The following ZNF721 variants were observed in gnomAD, a reference collection of about 807,000 sequenced individuals.
The protein encoded by ZNF721 is zinc finger protein 721.
ZNF721 carries 2 observed loss-of-function variants against 2.4 expected under a neutral mutation model. That is an observed-to-expected ratio of 0.82 (90% CI 0.34 to 2.58). The LOEUF (loss-of-function observed/expected upper bound fraction) is 2.58. Among genes scored for constraint, ZNF721 ranks in the 30% most tolerant of loss-of-function variants. ZNF721 has a pLI of 0.11. For missense variants in ZNF721, 1,187 were observed against 1,085.5 expected, an observed-to-expected ratio of 1.09 and a Z score of -1.31; for synonymous variants, 398 against 381.8, an observed-to-expected ratio of 1.04 and a Z score of -0.50.
chr4:469,924 C>A (rs1331140066), intron 2 of ZNF721, among the ~76,000 whole-genome samples: 2 of 152,160 alleles, frequency 1.3e-5, no homozygotes, highest in Non-Finnish European at 2.9e-5. Context: ...TTCTGTTGCC[C>A]AGACTGGAGT....
At chr4:479,151 A>G (rs781864784) in intron 1 of ZNF721, among the ~76,000 whole-genome samples, 1 of 152,182 alleles carries the variant, frequency 6.6e-6, no homozygotes, top group Non-Finnish European at 1.5e-5. Context: ...CTTGGTCACG[A>G]TAACAGCCAT....
intron 1 of ZNF721, among the ~76,000 whole-genome samples, chr4:481,770 G>A (rs879963436): frequency 3.9e-5 from 6 of 152,122 alleles, no homozygotes; most frequent in Admixed American, 2.0e-4. Flanking sequence ...TTCAGCAGTT[G>A]AACACAGCGT....
intron 1 of ZNF721, among the ~76,000 whole-genome samples, chr4:477,786 C>A (rs1412511371): frequency 6.6e-6 from 1 of 152,070 alleles, no homozygotes; most frequent in Non-Finnish European, 1.5e-5. Flanking sequence ...CCTGATACAC[C>A]CCTAAGAGAT....
chr4:469,644 T>A lies in ZNF721; in HGVS notation c.34+2931A>T, dbSNP rs112202948. Among the ~76,000 whole-genome samples the A allele has an allele frequency of 1.4e-3, 206 of 152,284 alleles. 3 individuals carry two copies. Among genetic ancestry groups the A allele is most frequent in the African/African-American group, 4.7e-3 (194 of 41,572 alleles). Reference sequence around the variant, plus strand: ...GAGCCATCGTGAGAAAGAACAAAGCTAGGGGCATCATACTTCTTAATTTTA... The same window carrying A: ...GAGCCATCGTGAGAAAGAACAAAGCAAGGGGCATCATACTTCTTAATTTTA... On this transcript the variant is annotated intron_variant, in intron 2 of 2. Transcript: ENST00000511833.
chr4:441,744 A>C lies in ZNF721; in HGVS notation c.2723T>G (p.Leu908Arg), dbSNP rs1489538357. The C allele has an allele frequency of 1.2e-6, 2 of 1,613,050 alleles. No individual in the cohort carries two copies. The highest frequency in any genetic ancestry group is 2.7e-5 in the African/African-American group (2 of 74,798). ...CGKTFRQSAN[L>R]YAHKKIHTGD... ...AGTATGAATTTTCTTATGTGCATAA[A>C]GATTTGCAGACTGTCTAAAGGTTTT... Residue 908 changes from leucine to arginine, a missense_variant, in exon 3 of 3, where the codon CTT becomes CGT. Coordinates refer to ENST00000511833, the MANE Select transcript of ZNF721 (RefSeq NM_133474.4).
chr4:487,990 T>A (rs782021096), intron 1 of ZNF721, among the ~76,000 whole-genome samples: 1 of 152,198 alleles, frequency 6.6e-6, no homozygotes, highest in African/African-American at 2.4e-5. Context: ...CATGCCTTCA[T>A]CTGCATGGGG....
At chr4:466,319 G>T (rs1715249245) in intron 2 of ZNF721, among the ~76,000 whole-genome samples, 1 of 152,132 alleles carries the variant, frequency 6.6e-6, no homozygotes, top group Non-Finnish European at 1.5e-5. Context: ...TTAAAATGGG[G>T]GGAAATCCTA....
At chr4:488,553 C>T (rs1206440005) in intron 1 of ZNF721, among the ~76,000 whole-genome samples, 2 of 152,132 alleles carry the variant, frequency 1.3e-5, no homozygotes, top group Admixed American at 1.3e-4. Flanking sequence ...AAGAGGAAAC[C>T]GGGCGCAGTA....
In ZNF721 at chr4:441,810, ATT is replaced by A. The variant is rs782350598; in HGVS notation, c.2655_2656del (p.Lys885AsnfsTer18). On this transcript the variant is annotated frameshift_variant, in exon 3 of 3. Coordinates refer to ENST00000511833, the MANE Select transcript of ZNF721 (RefSeq NM_133474.4). LOFTEE classifies it low-confidence loss of function (END_TRUNC). Reference sequence around the variant, plus strand: ...CGTGTAGGGTTTCTCTCCAGTATGAATTTTCTTATGCGCATAAAGATTTGCAG... The same window carrying A: ...CGTGTAGGGTTTCTCTCCAGTATGAATTCTTATGCGCATAAAGATTTGCAG... 2 of 1,613,944 alleles carry A rather than the reference ATT, an allele frequency of 1.2e-6. No homozygotes were observed. Among genetic ancestry groups the A allele is most frequent in the Non-Finnish European group, 1.7e-6 (2 of 1,179,954 alleles).
At chr4:459,981 T>C (rs781831114) in intron 2 of ZNF721, among the ~76,000 whole-genome samples, 1 of 152,090 alleles carries the variant, frequency 6.6e-6, no homozygotes, top group Non-Finnish European at 1.5e-5. Context: ...AGACTTAGAC[T>C]CTCACACAAT....
chr4:450,972 T>A (rs1185592410), intron 2 of ZNF721, among the ~76,000 whole-genome samples: 10,455 of 102,774 alleles, frequency 0.1, 1,375 homozygotes, highest in Middle Eastern at 0.2. Flanking sequence ...TATATATATA[T>A]ATATATATAT....
At chr4:459,795 C>T (rs1553865834) in intron 2 of ZNF721, among the ~76,000 whole-genome samples, 1 of 150,984 alleles carries the variant, frequency 6.6e-6, no homozygotes. Context: ...TGTGCCACTA[C>T]ACTCCAGCCT....
chr4:459,508 T>G (rs1243240475), intron 2 of ZNF721, among the ~76,000 whole-genome samples: 1 of 151,288 alleles, frequency 6.6e-6, no homozygotes, highest in Non-Finnish European at 1.5e-5. Context: ...TAGTCTCTGA[T>G]AAAACAGACT....
intron 1 of ZNF721, among the ~76,000 whole-genome samples, chr4:486,822 T>C (rs1715909938): frequency 6.6e-6 from 1 of 152,224 alleles, no homozygotes; most frequent in Non-Finnish European, 1.5e-5. Flanking sequence ...TTTTCTCAAA[T>C]TGTTTCGCTT....
In ZNF721 at chr4:443,889, T is replaced by C. The variant is rs1714373707; in HGVS notation, c.578A>G (p.Tyr193Cys). ...GGCTCTGTCACGATCTTCACCTGTG[T>C]AAGCTTTCTCTCTGTTGTGAATTCT... ...HKRIHNREKA[Y>C]TGEDRDRAFG... Residue 193 changes from tyrosine (Y) to cysteine (C), a missense_variant, in exon 3 of 3, where the codon TAC (tyrosine) becomes TGC (cysteine). By Grantham distance (194) the Tyr-to-Cys change is radical. Transcript: ENST00000511833. 6.2e-7 allele frequency: 1 copy of C among 1,614,082 alleles called. No individual in the cohort carries two copies.
Position 444,299 on chromosome 4 carries a change from C to T in ZNF721, c.168G>A (p.Met56Ile), listed in dbSNP as rs782724723. Residue 56 changes from methionine to isoleucine, a missense_variant, in exon 3 of 3, where the codon ATG (methionine) becomes ATA (isoleucine). Met to Ile is a conservative substitution (Grantham distance 10, BLOSUM62 1). Coordinates refer to ENST00000511833, the MANE Select transcript of ZNF721 (RefSeq NM_133474.4). ...NLQLRKGCKS[M>I]NVCKVQKGVY... is the part of the protein sequence containing the mutation. The stretch of plus-strand genomic sequence containing the variant: ...CTCCCTTCTGCACTTTACACACGTT[C>T]ATACTTTTACAGCCTTTCCTTAATT... The T allele has an allele frequency of 6.8e-6, 11 of 1,614,024 alleles. No individual in the cohort carries two copies. The highest frequency in any genetic ancestry group is 1.7e-5 in the Admixed American group (1 of 60,002).
intron 1 of ZNF721, among the ~76,000 whole-genome samples, chr4:491,274 CGA>C (rs1476562070): frequency 1.3e-5 from 2 of 151,832 alleles, no homozygotes; most frequent in African/African-American, 4.8e-5. Flanking sequence ...AAAAATTAGA[CGA>C]GTGTGGTGGC....
intron 1 of ZNF721, among the ~76,000 whole-genome samples, chr4:480,173 A>G (rs907612576): frequency 6.6e-6 from 1 of 152,072 alleles, no homozygotes. Context: ...GTCTTCCTCT[A>G]AAAACATAAC....
At position 442,559 on chromosome 4, in the gene ZNF721, A is replaced by T; in HGVS notation, c.1908T>A (p.Thr636=). Residue 636 remains threonine (T), a synonymous_variant, in exon 3 of 3, where the codon ACT becomes ACA. Coordinates refer to ENST00000511833, the MANE Select transcript of ZNF721 (RefSeq NM_133474.4). The part of the protein sequence containing the change: ...TDLNQQKKIY[T]GEKPYKCEEC... The stretch of plus-strand genomic sequence containing the variant: ...CTTCACATTTGTAAGGTTTCTCCCC[A>T]GTGTAAATTTTCTTCTGTTGATTCA... The T allele has an allele frequency of 6.2e-7, 1 of 1,613,884 alleles. No individual in the cohort carries two copies. Among genetic ancestry groups the T allele is most frequent in the Non-Finnish European group, 8.5e-7 (1 of 1,179,880 alleles).
Sources: allele counts gnomAD v4.1 joint callset (sites outside exome capture counted in the v4.1 genomes callset), GRCh38; gene constraint gnomAD v4.1.1; transcripts MANE v1.5; gene names NCBI Gene and HGNC (gene_info 2026-07-23, HGNC 2026-07-21).